Variants in BSCL2 observed in about 807,000 individuals in gnomAD.
BSCL2 encodes the protein BSCL2 lipid droplet biogenesis associated, seipin.
BSCL2 carries 41 observed loss-of-function variants against 57.4 expected under a neutral mutation model. That is an observed-to-expected ratio of 0.71 (90% confidence interval 0.56 to 0.93). BSCL2 has a LOEUF of 0.93. Ranked by LOEUF, BSCL2 falls within the 40% of genes least tolerant of loss-of-function variation. The probability of loss-of-function intolerance (pLI) is 0.00; values close to 1 mark genes in which losing one functional copy is unlikely to be tolerated. For missense variants in BSCL2, 539 were observed against 586.7 expected, an observed-to-expected ratio of 0.92 and a Z score of 0.84; for synonymous variants, 237 against 227.3, an observed-to-expected ratio of 1.04 and a Z score of -0.38.
rs750833941 is a variant in BSCL2 at position 62,705,516 on chromosome 11, C to T, written c.189G>A (p.Pro63=). Residue 63 remains proline, a synonymous_variant, in exon 2 of 11, where the codon CCG becomes CCA. Coordinates refer to ENST00000360796, the MANE Select transcript of BSCL2 (RefSeq NM_001122955.4). ...PEPGARHPAL[P]AMVNDPPVPA... Reference sequence around the variant, plus strand: ...GTACTGGAGGGTCGTTGACCATGGCCGGGAGAGCAGGGTGTCTGGCCCCAG... The same window carrying T: ...GTACTGGAGGGTCGTTGACCATGGCTGGGAGAGCAGGGTGTCTGGCCCCAG... 3 of 1,613,694 alleles carry T rather than the reference C, an allele frequency of 1.9e-6. No individual in the cohort carries two copies. Among genetic ancestry groups the T allele is most frequent in the African/African-American group, 2.7e-5 (2 of 75,022 alleles).
At chr11:62,705,129 C>A (rs2083505782) in intron 2 of BSCL2, among the ~76,000 whole-genome samples, 172 bp downstream of exon 2, 1 of 149,388 alleles carries the variant, frequency 6.7e-6, no homozygotes, top group Admixed American at 6.7e-5. Context: ...AGAACTAGAA[C>A]CCTAGCCCTG....
rs934144997 is a variant in BSCL2, at chr11:62,697,138, T to C, written c.487-2427A>G. 6.6e-5 allele frequency among the ~76,000 whole-genome samples: 10 copies of C among 151,816 alleles called. No homozygotes were observed. In the East Asian group the frequency reaches 1.8e-3, roughly 27 times the overall value. On this transcript the variant is annotated intron_variant, in intron 3 of 10. Coordinates refer to ENST00000360796, the MANE Select transcript of BSCL2 (RefSeq NM_001122955.4). The stretch of plus-strand genomic sequence containing the variant: ...GGCCGGGCGCGGTGGCTCATGCCTG[T>C]AATCCCAGCACTTTGGGAGGCCAAG...
chr11:62,692,500 G>A (rs1450910507), intron 5 of BSCL2, 27 bp from the exon 6 acceptor site: 21 of 1,612,188 alleles, frequency 1.3e-5, no homozygotes, highest in African/African-American at 5.3e-5. Flanking sequence ...TGAGGGTGGC[G>A]TCAGGCCAGG....
At chr11:62,698,590 GACC>G (rs1265772589) in intron 3 of BSCL2, among the ~76,000 whole-genome samples, 4 of 152,194 alleles carry the variant, frequency 2.6e-5, no homozygotes, top group Non-Finnish European at 5.9e-5. Flanking sequence ...TGAGAGCAGC[GACC>G]ACATCTACTT....
chr11:62,692,493 G>C lies in BSCL2; in HGVS notation c.766-20C>G. 1 of 1,613,150 alleles carries C rather than the reference G, an allele frequency of 6.2e-7. No individual in the cohort carries two copies. Among genetic ancestry groups the C allele is most frequent in the Non-Finnish European group, 8.5e-7 (1 of 1,179,706 alleles). On this transcript the variant is annotated intron_variant, in intron 5 of 10. Transcript: ENST00000360796. ...CACGTACTGTGAGGGGGTGGGGTGA[G>C]GGTGGCGTCAGGCCAGGGTCCTGCC...
chr11:62,707,085 G>GGA, intron 1 of BSCL2, 24 bp downstream of exon 1: 1 of 1,545,018 alleles, frequency 6.5e-7, no homozygotes, highest in African/African-American at 1.4e-5. Flanking sequence ...TATTTCTGCT[G>GGA]ACTGTCCCCA....
At position 62,706,291 on chromosome 11, in the gene BSCL2, C is replaced by A. The variant is rs549450153; in HGVS notation, c.88-674G>T. Reference sequence around the variant, plus strand: ...GCGCGCTGCCAGGGCAACCGTGAGACGGGACTTCCGGCTCCCGGGGAAGTC... The same window carrying A: ...GCGCGCTGCCAGGGCAACCGTGAGAAGGGACTTCCGGCTCCCGGGGAAGTC... On this transcript the variant is annotated intron_variant, in intron 1 of 10. Transcript: ENST00000360796. The A allele has an allele frequency of 7.3e-4, 813 of 1,113,874 alleles. 5 individuals carry two copies. In the Middle Eastern group the frequency reaches 0.01, roughly 14 times the overall value. The allele number at this position is 1,113,874 out of a possible 1,614,324, so 69.0% of individuals were successfully genotyped here. A position where few individuals can be genotyped will look rare whatever the true frequency, so the allele number is the denominator to read the frequency against.
intron 3 of BSCL2, among the ~76,000 whole-genome samples, chr11:62,695,679 G>A (rs1365065577): frequency 7.5e-6 from 1 of 133,710 alleles, no homozygotes; most frequent in Non-Finnish European, 1.5e-5. Flanking sequence ...CCATTGCACT[G>A]CAGCCTGGGC....
Position 62,694,593 on chromosome 11 carries a change from C to A in BSCL2, c.605G>T (p.Arg202Leu). 6.2e-7 allele frequency: 1 copy of A among 1,614,108 alleles called. No homozygotes were observed. Among genetic ancestry groups the A allele is most frequent in the South Asian group, 1.1e-5 (1 of 91,078 alleles). Residue 202 changes from arginine (R) to leucine (L), a missense_variant, in exon 4 of 11, where the codon CGA becomes CTA. Arg to Leu is a moderately radical substitution (Grantham distance 102). Transcript: ENST00000360796. ...VTISCYTRGGRIISTSSRSVM... is the reference protein window; with the variant it reads ...VTISCYTRGGLIISTSSRSVM... ...CGAACGCGAAGAAGTGGAGATGATT[C>A]GGCCACCTCTGGTGTAGCAGGAAAT...
rs1303617043 is a variant in BSCL2 at position 62,691,067 on chromosome 11, A to C, written c.1072+8T>G. 6.2e-7 allele frequency: 1 copy of C among 1,614,012 alleles called. No individual in the cohort carries two copies. The highest frequency in any genetic ancestry group is 8.5e-7 in the Non-Finnish European group (1 of 1,179,982). ...CCACCTCAACAGCTCCCCAGCCAAC[A>C]CCTTTACCTGGCTGATGAGCAGAGA... On this transcript the variant is annotated splice_region_variant and intron_variant, in intron 8 of 10. Coordinates refer to ENST00000360796, the MANE Select transcript of BSCL2 (RefSeq NM_001122955.4).
rs17850877 is a variant in BSCL2 at position 62,690,679 on chromosome 11, G to C, written c.1167C>G (p.Ser389=). ...EDPSGTEGQL[S]EEEKPDQQPL... ...GCTGCTGATCTGGTTTCTCCTCCTC[G>C]GACAGCTGACCCTCTGCAGCCAAAA... The change falls in exon 10 of 11, where the codon TCC becomes TCG. Residue 389 remains serine, a synonymous_variant. Transcript: ENST00000360796. 2.5e-6 allele frequency: 4 copies of C among 1,613,698 alleles called. No homozygotes were observed. The South Asian group carries it at 4.4e-5, about 18-fold the overall frequency.
chr11:62,696,278 TTGTGTGTG>T (rs1197051764), intron 3 of BSCL2, among the ~76,000 whole-genome samples: 67 of 136,322 alleles, frequency 4.9e-4, no homozygotes, highest in African/African-American at 1.5e-3. Context: ...CATAAACTTT[TTGTGTGTG>T]TGTGTGTGTG....
chr11:62,709,316 C>G (rs766749593), upstream of BSCL2: 188 of 454,054 alleles, frequency 4.1e-4, no homozygotes, highest in Non-Finnish European at 6.6e-4. Context: ...GATCGGAGAT[C>G]AGAGGGGTCG....
intron 3 of BSCL2, among the ~76,000 whole-genome samples, chr11:62,700,683 T>C (rs1945612464): frequency 6.6e-6 from 1 of 152,112 alleles, no homozygotes; most frequent in Admixed American, 6.6e-5. Flanking sequence ...CTGGGTGTGG[T>C]TGCTCACGCA....
rs1213600448 is a variant in BSCL2 at position 62,695,902 on chromosome 11, G to A, written c.487-1191C>T. On this transcript the variant is annotated intron_variant, in intron 3 of 10. Transcript: ENST00000360796. ...TCAGAACTATCTGTTGGCCGGGCGC[G>A]GTTGGCTCATGCCTGTAATCCCAGC... Among the ~76,000 whole-genome samples, 9 of 150,710 alleles carry A rather than the reference G, an allele frequency of 6.0e-5. No individual in the cohort carries two copies. In the South Asian group the frequency reaches 1.3e-3, roughly 21 times the overall value.
intron 3 of BSCL2, among the ~76,000 whole-genome samples, chr11:62,696,239 T>C (rs114297164): frequency 0.022 from 3,364 of 151,436 alleles, 123 homozygotes; most frequent in African/African-American, 0.078. Context: ...TACCCCCCTG[T>C]AGAGACCAGA....
upstream of BSCL2, chr11:62,709,232 G>A (rs1459900417): frequency 8.8e-6 from 4 of 455,278 alleles, no homozygotes; most frequent in Admixed American, 2.3e-5. Flanking sequence ...TTCTTGGGGG[G>A]AGAGGATCAT....
chr11:62,699,695 T>TC (rs1332136657), intron 3 of BSCL2, among the ~76,000 whole-genome samples: 2 of 148,118 alleles, frequency 1.4e-5, no homozygotes, highest in Non-Finnish European at 3.0e-5. Context: ...TTTTTTTTTT[T>TC]TGAGACTGAG....
intron 3 of BSCL2, among the ~76,000 whole-genome samples, chr11:62,700,016 G>C (rs935382232): frequency 6.0e-5 from 9 of 149,484 alleles, no homozygotes; most frequent in Non-Finnish European, 1.3e-4. Flanking sequence ...GAGTCGGGAG[G>C]ACCACTTGAG....
Sources: gnomAD v4.1 joint callset for allele counts (sites outside exome capture counted in the v4.1 genomes callset) on GRCh38, gnomAD v4.1.1 for gene constraint, MANE v1.5 for transcripts, NCBI Gene and HGNC (gene_info 2026-07-23, HGNC 2026-07-21) for gene names.